Variants in CASZ1 observed in about 807,000 individuals in gnomAD.
CASZ1 encodes zinc finger protein castor homolog 1.
Under a neutral mutation model 135.2 loss-of-function variants are expected in CASZ1, and 28 were observed. The ratio of observed to expected loss-of-function variants is 0.21; its 90% confidence interval spans 0.15 to 0.28. The LOEUF is 0.28. Among genes scored for constraint, CASZ1 ranks in the 10% least tolerant of loss-of-function variants. The probability of loss-of-function intolerance (pLI) is 1.00; values close to 1 mark genes in which losing one functional copy is unlikely to be tolerated. For missense variants in CASZ1, 2,161 were observed against 2,453.3 expected (o/e 0.88, Z 2.52); for synonymous variants, 1,068 against 1,073.4 (o/e 0.99, Z 0.10).
chr1:10,674,386 T>C (rs1470616041), intron 4 of CASZ1, among the ~76,000 whole-genome samples: 4 of 152,222 alleles, frequency 2.6e-5, no homozygotes, highest in Non-Finnish European at 5.9e-5. Flanking sequence ...CAGACAGTCC[T>C]GAATCCAGCG....
At chr1:10,718,560 A>G (rs1270520305) in intron 2 of CASZ1, among the ~76,000 whole-genome samples, 1 of 152,156 alleles carries the variant, frequency 6.6e-6, no homozygotes, top group Non-Finnish European at 1.5e-5. Context: ...CTAGGCCCCC[A>G]CTTCTGGTTC....
chr1:10,711,585 CAAAA>C lies in CASZ1; in HGVS notation c.-76-6045_-76-6042del, dbSNP rs201085072. 3.1e-5 allele frequency among the ~76,000 whole-genome samples: 3 copies of C among 97,578 alleles called. No homozygotes were observed. Among genetic ancestry groups the C allele is most frequent in the African/African-American group, 3.2e-5 (1 of 31,522 alleles). 64.0% of individuals were successfully genotyped at this position (97,578 alleles called of 152,430 possible). On this transcript the variant is annotated intron_variant, in intron 2 of 20. Coordinates refer to ENST00000377022, the MANE Select transcript of CASZ1 (RefSeq NM_001079843.3). This position sits in a 1 kb window ranked among gnomAD's most constrained non-coding sequence, Gnocchi z 4.4. ...CCAGAAAAAATGGAAAACAGGTACTCAAAAAAAAAAAAAAAAGAAAAACAAACAA... is the reference window on the plus strand; with the variant it reads ...CCAGAAAAAATGGAAAACAGGTACTCAAAAAAAAAAAAGAAAAACAAACAA...
At chr1:10,696,315 C>T (rs1638933872) in intron 3 of CASZ1, among the ~76,000 whole-genome samples, 1 of 152,212 alleles carries the variant, frequency 6.6e-6, no homozygotes, top group South Asian at 2.1e-4. Context: ...CCAACCCATC[C>T]CTACATAGGA....
chr1:10,788,569 C>T lies in CASZ1; in HGVS notation c.-234+7995G>A, dbSNP rs1262697197. On this transcript the variant is annotated intron_variant, in intron 1 of 20. Transcript: ENST00000377022. The surrounding 1 kb of genome is among the most constrained non-coding windows in gnomAD (Gnocchi z 4.1). ...CATGGATTCAAAAGAAGGGAAGAAG[C>T]ACAGCCCAGAGACTGCCCGCCGTCA... Among the ~76,000 whole-genome samples the T allele has an allele frequency of 6.6e-6, 1 of 152,206 alleles. No homozygotes were observed. Among genetic ancestry groups the T allele is most frequent in the Non-Finnish European group, 1.5e-5 (1 of 68,032 alleles).
intron 2 of CASZ1, among the ~76,000 whole-genome samples, chr1:10,745,637 G>GC (rs760019802): frequency 5.9e-5 from 9 of 152,138 alleles, no homozygotes; most frequent in Non-Finnish European, 1.2e-4. Context: ...TGTGCACTGG[G>GC]CCCCACAAAT....
At chr1:10,698,449 G>C (rs549966980) in intron 3 of CASZ1, among the ~76,000 whole-genome samples, 1 of 152,148 alleles carries the variant, frequency 6.6e-6, no homozygotes, top group Non-Finnish European at 1.5e-5. Context: ...AATTCAATTA[G>C]CCGCAATTTC....
chr1:10,754,361 C>A (rs116060804), intron 2 of CASZ1, among the ~76,000 whole-genome samples: 2 of 152,310 alleles, frequency 1.3e-5, no homozygotes, highest in East Asian at 3.9e-4. Context: ...TTCTTCATTT[C>A]GAGCACCTAC....
At chr1:10,654,623 G>A (rs192383996) in intron 9 of CASZ1, 32 bp from the exon 10 acceptor site, 643 of 1,603,032 alleles carry the variant, frequency 4.0e-4, no homozygotes, top group Middle Eastern at 3.0e-3. Context: ...TCAGGCGAAC[G>A]GAGGCCAGGT....
intron 2 of CASZ1, among the ~76,000 whole-genome samples, chr1:10,716,054 C>T (rs1357724403): frequency 7.0e-6 from 1 of 142,658 alleles, no homozygotes; most frequent in Non-Finnish European, 1.5e-5. Flanking sequence ...GCACCCAATC[C>T]GCACCCCACA....
In CASZ1 at chr1:10,719,219, C is replaced by T. The variant is rs1395213573; in HGVS notation, c.-76-13675G>A. Among the ~76,000 whole-genome samples the T allele has an allele frequency of 2.0e-5, 3 of 152,192 alleles. No individual in the cohort carries two copies. Among genetic ancestry groups the T allele is most frequent in the Non-Finnish European group, 4.4e-5 (3 of 68,034 alleles). On this transcript the variant is annotated intron_variant, in intron 2 of 20. Coordinates refer to ENST00000377022, the MANE Select transcript of CASZ1 (RefSeq NM_001079843.3). The surrounding 1 kb of genome is among the most constrained non-coding windows in gnomAD (Gnocchi z 4.0). ...AGGCGTGAGCCACCGCACCCGGCCCCGTGCCCCTTTCTTGTAAGGGGAGAG... is the reference window on the plus strand; with the variant it reads ...AGGCGTGAGCCACCGCACCCGGCCCTGTGCCCCTTTCTTGTAAGGGGAGAG...
In CASZ1 at chr1:10,725,090, C is replaced by T. The variant is rs1639572627; in HGVS notation, c.-76-19546G>A. ...CAGACGTGCAGGTGGCTGTTCTTCC[C>T]TGGAGGGAGGGGGCTTGGGCTCCCC... is the stretch of plus-strand genomic sequence containing the variant. On this transcript the variant is annotated intron_variant, in intron 2 of 20. Coordinates refer to ENST00000377022, the MANE Select transcript of CASZ1 (RefSeq NM_001079843.3). This position sits in a 1 kb window ranked among gnomAD's most constrained non-coding sequence, Gnocchi z 4.4. Among the ~76,000 whole-genome samples the T allele has an allele frequency of 6.6e-6, 1 of 152,230 alleles. No homozygotes were observed. The highest frequency in any genetic ancestry group is 1.5e-5 in the Non-Finnish European group (1 of 68,030).
chr1:10,722,297 AAAC>A (rs1228964712), intron 2 of CASZ1, among the ~76,000 whole-genome samples: 5 of 152,204 alleles, frequency 3.3e-5, no homozygotes, highest in African/African-American at 1.2e-4. Context: ...ACTGGAGAGG[AAAC>A]AACATGTTTT....
chr1:10,702,477 C>T (rs1343952359), intron 3 of CASZ1, among the ~76,000 whole-genome samples: 1 of 152,226 alleles, frequency 6.6e-6, no homozygotes, highest in Non-Finnish European at 1.5e-5. Context: ...CTGGGTGGAA[C>T]AGGGAACTCA....
At chr1:10,640,301 CG>C (rs950128334) in intron 20 of CASZ1, among the ~76,000 whole-genome samples, 1 of 152,158 alleles carries the variant, frequency 6.6e-6, no homozygotes, top group Non-Finnish European at 1.5e-5. Context: ...GCCTCTCCCC[CG>C]GGGGGTGGCA....
chr1:10,645,125 G>A (rs769967356), intron 17 of CASZ1, 37 bp from the exon 18 acceptor site: 1 of 1,594,274 alleles, frequency 6.3e-7, no homozygotes. Context: ...ACAGGCGGGT[G>A]ACTTTCAAGA....
In CASZ1 at chr1:10,725,466, A is replaced by T; in HGVS notation, c.-76-19922T>A. ...TTCCTCTTTGCCAGACAGTTTGCAG[A>T]TTGCTCTGTTGGCTCAATTTCTTAT... On this transcript the variant is annotated intron_variant, in intron 2 of 20. Coordinates refer to ENST00000377022, the MANE Select transcript of CASZ1 (RefSeq NM_001079843.3). This position sits in a 1 kb window ranked among gnomAD's most constrained non-coding sequence, Gnocchi z 4.4. Among the ~76,000 whole-genome samples, 1 of 152,164 alleles carries T rather than the reference A, an allele frequency of 6.6e-6. No individual in the cohort carries two copies. Among genetic ancestry groups the T allele is most frequent in the Non-Finnish European group, 1.5e-5 (1 of 68,032 alleles).
intron 1 of CASZ1, among the ~76,000 whole-genome samples, chr1:10,782,819 C>T (rs895015351): frequency 8.5e-5 from 13 of 152,188 alleles, no homozygotes; most frequent in African/African-American, 3.1e-4. Flanking sequence ...ACGACCCCTG[C>T]TGATAGTGTG....
At chr1:10,656,160 G>A (rs1642782604) in intron 8 of CASZ1, among the ~76,000 whole-genome samples, 2 of 152,224 alleles carry the variant, frequency 1.3e-5, no homozygotes, top group African/African-American at 4.8e-5. Flanking sequence ...AGGCAGGCTG[G>A]GATCCCTGGC....
chr1:10,660,161 A>G lies in CASZ1; in HGVS notation c.881T>C (p.Leu294Pro), dbSNP rs1642968475. ...CATCTGGACACTGCTGTGCGACGGC[A>G]GGGGCAGGATGGTGGCCTTGGTCTC... The part of the protein sequence containing the change: ...HLETKATILP[L>P]PSHSSVQMQN... Residue 294 changes from leucine (L) to proline (P), a missense_variant, in exon 6 of 21, where the codon CTG becomes CCG. Leu to Pro is a moderately conservative substitution (Grantham distance 98). Around this residue, in one of 7 missense-constraint regions of CASZ1, gnomAD observed 590 missense variants for 609.8 expected, o/e 0.97. Coordinates refer to ENST00000377022, the MANE Select transcript of CASZ1 (RefSeq NM_001079843.3). 6.2e-7 allele frequency: 1 copy of G among 1,613,892 alleles called. No homozygotes were observed. The highest frequency in any genetic ancestry group is 1.7e-5 in the Admixed American group (1 of 60,010).
Sources: allele counts gnomAD v4.1 joint callset (sites outside exome capture counted in the v4.1 genomes callset), GRCh38; gene constraint gnomAD v4.1.1; regional missense constraint gnomAD v4.1.1; non-coding constraint Gnocchi (gnomAD v3.1); transcripts MANE v1.5; gene names NCBI Gene and HGNC (gene_info 2026-07-23, HGNC 2026-07-21).